KCNB2: variants seen among roughly 807,000 people sequenced by gnomAD.
KCNB2 encodes delayed rectifier potassium channel protein.
KCNB2 carries 15 observed loss-of-function variants against 61.5 expected under a neutral mutation model. That is an observed-to-expected ratio of 0.24 (90% CI 0.16 to 0.38). The LOEUF (loss-of-function observed/expected upper bound fraction) is 0.38. KCNB2 is among the 10% of genes least tolerant of loss of function. KCNB2 has a pLI of 1.00. For synonymous variants in KCNB2, 457 were observed against 446.0 expected (o/e 1.02, Z -0.31); for missense variants, 828 against 1,125.2 (o/e 0.74, Z 3.78).
chr8:72,755,882 G>A (rs1174678032), intron 2 of KCNB2, among the ~76,000 whole-genome samples: 2 of 152,178 alleles, frequency 1.3e-5, no homozygotes, highest in African/African-American at 2.4e-5. Flanking sequence ...TGTGCAGGAC[G>A]GGTATAGGAA....
chr8:72,577,870 A>G (rs1365236840), intron 2 of KCNB2, among the ~76,000 whole-genome samples: 3 of 152,194 alleles, frequency 2.0e-5, no homozygotes, highest in African/African-American at 4.8e-5. Context: ...TTTAGCTTTA[A>G]TCAATATACT....
At chr8:72,564,126 C>G (rs905847442) in intron 1 of KCNB2, among the ~76,000 whole-genome samples, 1 of 152,154 alleles carries the variant, frequency 6.6e-6, no homozygotes. Flanking sequence ...GTCTTATGAC[C>G]TCTCTTCTCT....
chr8:72,680,408 A>C (rs950748089), intron 2 of KCNB2, among the ~76,000 whole-genome samples: 19 of 152,224 alleles, frequency 1.2e-4, no homozygotes, highest in African/African-American at 4.3e-4. Context: ...CACAATTGCA[A>C]TTCATTAAGT....
intron 2 of KCNB2, among the ~76,000 whole-genome samples, chr8:72,885,604 A>G (rs1805792407): frequency 6.6e-6 from 1 of 152,156 alleles, no homozygotes; most frequent in Non-Finnish European, 1.5e-5. Flanking sequence ...ATCAAAATAT[A>G]TTATGGACTT....
chr8:72,707,479 T>C (rs1050563040), intron 2 of KCNB2, among the ~76,000 whole-genome samples: 4 of 152,166 alleles, frequency 2.6e-5, no homozygotes, highest in Non-Finnish European at 5.9e-5. Context: ...TTAATCTCCA[T>C]TTCCACAGAG....
intron 2 of KCNB2, among the ~76,000 whole-genome samples, chr8:72,865,900 GT>G (rs1805508907): frequency 6.6e-6 from 1 of 152,108 alleles, no homozygotes; most frequent in African/African-American, 2.4e-5. Context: ...TCATCTATGT[GT>G]TTGCAGTAAT....
chr8:72,752,402 T>C (rs571947480), intron 2 of KCNB2, among the ~76,000 whole-genome samples: 10 of 152,326 alleles, frequency 6.6e-5, no homozygotes, highest in Admixed American at 5.2e-4. Context: ...GATGGTCCTC[T>C]TTAATGAGAG....
At chr8:72,746,235 A>G (rs1235854182) in intron 2 of KCNB2, among the ~76,000 whole-genome samples, 1 of 152,146 alleles carries the variant, frequency 6.6e-6, no homozygotes, top group Non-Finnish European at 1.5e-5. Flanking sequence ...GACAAGCATC[A>G]TGATGCTACT....
At chr8:72,631,709 T>C (rs184797306) in intron 2 of KCNB2, among the ~76,000 whole-genome samples, 123 of 152,308 alleles carry the variant, frequency 8.1e-4, no homozygotes, top group African/African-American at 2.8e-3. Flanking sequence ...TATCAATAGA[T>C]AAAATGTTCT....
intron 2 of KCNB2, among the ~76,000 whole-genome samples, chr8:72,798,875 G>A (rs1398144484): frequency 6.6e-6 from 1 of 152,120 alleles, no homozygotes; most frequent in East Asian, 1.9e-4. Context: ...ATAACTATCT[G>A]GTGGGGCAAG....
At chr8:72,684,361 C>T (rs868829475) in intron 2 of KCNB2, among the ~76,000 whole-genome samples, 2 of 152,112 alleles carry the variant, frequency 1.3e-5, no homozygotes, top group Admixed American at 6.5e-5. Flanking sequence ...TGAAAACCAG[C>T]GAGAGGTCAG....
At chr8:72,648,001 A>G (rs1236732576) in intron 2 of KCNB2, among the ~76,000 whole-genome samples, 1 of 152,094 alleles carries the variant, frequency 6.6e-6, no homozygotes, top group African/African-American at 2.4e-5. Context: ...TCAGGGGCCA[A>G]TGGTCAGGTG....
At chr8:72,555,667 G>A (rs1318397445) in intron 1 of KCNB2, among the ~76,000 whole-genome samples, 1 of 149,652 alleles carries the variant, frequency 6.7e-6, no homozygotes, top group Non-Finnish European at 1.5e-5. Context: ...ATTTCATTTT[G>A]GTTTTAATTT....
At chr8:72,599,390 AG>A (rs1256648443) in intron 2 of KCNB2, among the ~76,000 whole-genome samples, 3 of 152,238 alleles carry the variant, frequency 2.0e-5, no homozygotes, top group Non-Finnish European at 2.9e-5. Context: ...AAAACTGACT[AG>A]CCATATATAG....
chr8:72,545,656 T>C (rs563565085), intron 1 of KCNB2, among the ~76,000 whole-genome samples: 30 of 152,190 alleles, frequency 2.0e-4, no homozygotes, highest in Admixed American at 9.2e-4. Flanking sequence ...AACCCTACAA[T>C]GACCTTTAAG....
chr8:72,689,905 C>A (rs1336936699), intron 2 of KCNB2, among the ~76,000 whole-genome samples: 4 of 152,048 alleles, frequency 2.6e-5, no homozygotes, highest in African/African-American at 4.8e-5. Flanking sequence ...CTTATGAAAT[C>A]TGTCTTTATT....
chr8:72,746,303 A>T (rs1304862128), intron 2 of KCNB2, among the ~76,000 whole-genome samples: 1 of 150,196 alleles, frequency 6.7e-6, no homozygotes, highest in Non-Finnish European at 1.5e-5. Flanking sequence ...CAAATGTTAC[A>T]TTGAGCAGAT....
chr8:72,590,038 A>G (rs1171690927), intron 2 of KCNB2, among the ~76,000 whole-genome samples: 1 of 152,190 alleles, frequency 6.6e-6, no homozygotes, highest in East Asian at 1.9e-4. Flanking sequence ...ACTGACGTAT[A>G]GTAAAAGAGG....
rs374088764 is a variant in KCNB2, at chr8:72,936,018, G to C, written c.663G>C (p.Thr221=). The part of the protein sequence containing the change: ...SLNTLPELQE[T]DEFGQLNDNR... ...ATACGCTGCCGGAGCTGCAGGAAAC[G>C]GACGAATTTGGACAACTCAATGACA... Residue 221 remains threonine (T), a synonymous_variant, in exon 3 of 3, where the codon ACG becomes ACC. Coordinates refer to ENST00000523207, the MANE Select transcript of KCNB2 (RefSeq NM_004770.3). This position sits in a 1 kb window ranked among gnomAD's most constrained non-coding sequence, Gnocchi z 5.6. The C allele has an allele frequency of 7.4e-6, 12 of 1,614,022 alleles. No individual in the cohort carries two copies. The African/African-American group carries it at 1.5e-4, about 20-fold the overall frequency.
Sources: gnomAD v4.1 joint callset for allele counts (sites outside exome capture counted in the v4.1 genomes callset) on GRCh38, gnomAD v4.1.1 for gene constraint, Gnocchi (gnomAD v3.1) non-coding constraint, MANE v1.5 for transcripts, NCBI Gene and HGNC (gene_info 2026-07-23, HGNC 2026-07-21) for gene names.